FMN2: variants seen among roughly 807,000 people sequenced by gnomAD.
FMN2 encodes formin 2.
Under a neutral mutation model 142.3 loss-of-function variants are expected in FMN2, and 51 were observed. The observed-to-expected ratio is 0.36, with a 90% CI of 0.29 to 0.45. FMN2 has a LOEUF of 0.45. FMN2 is among the 20% of genes least tolerant of loss of function. The probability of loss-of-function intolerance (pLI) is 1.00; values close to 1 mark genes in which losing one functional copy is unlikely to be tolerated. For missense variants in FMN2, 1,936 were observed against 2,122.8 expected (o/e 0.91, Z 1.73); for synonymous variants, 882 against 869.8 (o/e 1.01, Z -0.25).
chr1:240,187,102 CAAAA>C (rs35262264), intron 3 of FMN2, among the ~76,000 whole-genome samples: 3 of 117,362 alleles, frequency 2.6e-5, no homozygotes, highest in Non-Finnish European at 5.4e-5. Flanking sequence ...CCGTCTGTAC[CAAAA>C]AAAAAAAAAA....
rs769037620 is a variant in FMN2 at position 240,257,931 on chromosome 1, T to C, written c.4066-14T>C. 8.1e-6 allele frequency: 13 copies of C among 1,609,954 alleles called. No homozygotes were observed. In the South Asian group the frequency reaches 1.2e-4, roughly 15 times the overall value. ...AAATTAACATTTTCCCCTTTTACTT[T>C]CTTTCTCGAGCAGGTTGTCAAGTTA... On this transcript the variant is annotated splice_polypyrimidine_tract_variant and intron_variant, in intron 6 of 17. Transcript: ENST00000319653.
chr1:240,330,491 G>A, intron 10 of FMN2, 112 bp from the exon 11 acceptor site: 21 of 1,091,862 alleles, frequency 1.9e-5, no homozygotes, highest in Non-Finnish European at 2.7e-5. Flanking sequence ...GATAAAGTTC[G>A]GTTGTGACCC....
At chr1:240,380,652 A>G (rs1673192555) in intron 14 of FMN2, among the ~76,000 whole-genome samples, 1 of 152,034 alleles carries the variant, frequency 6.6e-6, no homozygotes, top group Non-Finnish European at 1.5e-5. Flanking sequence ...ATCTCAAATT[A>G]ACAATGTAAC....
At chr1:240,451,045 T>C (rs1484942095) in intron 16 of FMN2, among the ~76,000 whole-genome samples, 2 of 152,166 alleles carry the variant, frequency 1.3e-5, no homozygotes, top group Non-Finnish European at 2.9e-5. Flanking sequence ...AGTTGTCTGG[T>C]TTTTTGTAAG....
At chr1:240,170,486 C>A in intron 2 of FMN2, 2 of 1,471,934 alleles carry the variant, frequency 1.4e-6, no homozygotes, top group East Asian at 2.3e-5. Context: ...TTGTCTAAAT[C>A]CTAAAACTAA....
Position 240,186,559 on chromosome 1 carries a change from G to A in FMN2, c.1931-1648G>A, listed in dbSNP as rs146090499. On this transcript the variant is annotated intron_variant, in intron 3 of 17. Transcript: ENST00000319653. ...TGAGTGCCAAGGAGTGGGTGGGGTC[G>A]CTGCTTGAGCAAAGCCCCGAAGGAA... is the stretch of plus-strand genomic sequence containing the variant. 8.8e-3 allele frequency among the ~76,000 whole-genome samples: 1,343 copies of A among 152,322 alleles called. 9 individuals carry two copies. Among genetic ancestry groups the A allele is most frequent in the Non-Finnish European group, 0.013 (885 of 68,024 alleles).
intron 1 of FMN2, among the ~76,000 whole-genome samples, chr1:240,113,286 G>A (rs770721663): frequency 1.5e-4 from 23 of 152,116 alleles, no homozygotes; most frequent in Non-Finnish European, 2.9e-4. Context: ...GATTGTGGCC[G>A]GGCACGGTGG....
intron 2 of FMN2, among the ~76,000 whole-genome samples, chr1:240,136,177 G>A (rs1011179298): frequency 2.0e-5 from 3 of 152,016 alleles, no homozygotes; most frequent in Non-Finnish European, 2.9e-5. Flanking sequence ...GATCCGGTAC[G>A]TGATTTAATA....
At chr1:240,420,753 C>T (rs1674734151) in intron 15 of FMN2, among the ~76,000 whole-genome samples, 1 of 152,168 alleles carries the variant, frequency 6.6e-6, no homozygotes, top group South Asian at 2.1e-4. Context: ...CCAGAGACTG[C>T]CCATGCCCCA....
chr1:240,472,682 C>T lies in FMN2; in HGVS notation c.5142+229C>T, dbSNP rs542685519. The stretch of plus-strand genomic sequence containing the variant: ...AAGAATTGGGCTGGGGGTGGTGGCT[C>T]ATGCCTGTAATTCCAGCACTTTGGG... On this transcript the variant is annotated intron_variant, in intron 17 of 17. Transcript: ENST00000319653. Among the ~76,000 whole-genome samples, 6 of 152,054 alleles carry T rather than the reference C, an allele frequency of 3.9e-5. No individual in the cohort carries two copies. In the South Asian group the frequency reaches 1.0e-3, roughly 26 times the overall value.
chr1:240,154,298 C>T (rs555712753), intron 2 of FMN2, among the ~76,000 whole-genome samples: 12 of 152,096 alleles, frequency 7.9e-5, no homozygotes, highest in South Asian at 2.1e-4. Flanking sequence ...GCTCTGGGAA[C>T]ACAGATGAAG....
chr1:240,375,148 T>C (rs2103074112), intron 14 of FMN2, among the ~76,000 whole-genome samples: 1 of 152,296 alleles, frequency 6.6e-6, no homozygotes, highest in East Asian at 1.9e-4. Context: ...TGCCATCTTA[T>C]GTGGGCATAG....
At chr1:240,456,566 C>G (rs191786907) in intron 16 of FMN2, among the ~76,000 whole-genome samples, 34 of 152,330 alleles carry the variant, frequency 2.2e-4, no homozygotes, top group Non-Finnish European at 3.5e-4. Context: ...AAGTGATTCT[C>G]CTGCCTCAGC....
intron 16 of FMN2, chr1:240,458,509 C>A (rs1179508352): frequency 6.6e-6 from 1 of 152,202 alleles, no homozygotes; most frequent in Admixed American, 6.5e-5. Flanking sequence ...GATCCATACA[C>A]ATCATCCTGG....
intron 14 of FMN2, among the ~76,000 whole-genome samples, chr1:240,381,613 A>G (rs904359857): frequency 6.6e-6 from 1 of 152,140 alleles, no homozygotes; most frequent in Non-Finnish European, 1.5e-5. Flanking sequence ...TATTTTTAGT[A>G]GATACGGGAC....
intron 2 of FMN2, chr1:240,144,578 C>T: frequency 1.5e-6 from 2 of 1,379,158 alleles, no homozygotes; most frequent in Non-Finnish European, 2.1e-6. Flanking sequence ...CAGTGCCAAT[C>T]TCAGAGCTTT....
chr1:240,473,528 A>C lies in FMN2; in HGVS notation c.5143-600A>C, dbSNP rs1274139733. On this transcript the variant is annotated intron_variant, in intron 17 of 17. Transcript: ENST00000319653. This position sits in a 1 kb window ranked among gnomAD's most constrained non-coding sequence, Gnocchi z 4.3. ...GTCTAAAGGGAAAAGACATTAAAATAACCCAAATTGGGATATGATTAAATA... is the reference window on the plus strand; with the variant it reads ...GTCTAAAGGGAAAAGACATTAAAATCACCCAAATTGGGATATGATTAAATA... 6.6e-6 allele frequency among the ~76,000 whole-genome samples: 1 copy of C among 152,236 alleles called. No homozygotes were observed. The highest frequency in any genetic ancestry group is 2.4e-5 in the African/African-American group (1 of 41,464).
At chr1:240,198,273 C>T (rs75605514) in intron 4 of FMN2, among the ~76,000 whole-genome samples, 1,905 of 152,242 alleles carry the variant, frequency 0.013, 14 homozygotes, top group Non-Finnish European at 0.02. Context: ...TGCTGTTTAT[C>T]TCCCTTTTTT....
intron 7 of FMN2, chr1:240,285,205 G>T (rs1399530748): frequency 5.1e-5 from 23 of 455,342 alleles, no homozygotes; most frequent in Non-Finnish European, 1.0e-4. Flanking sequence ...GTGGTGAGGT[G>T]AAGTCATATT....
Sources: gnomAD v4.1 joint callset for allele counts (sites outside exome capture counted in the v4.1 genomes callset) on GRCh38, gnomAD v4.1.1 for gene constraint, Gnocchi (gnomAD v3.1) non-coding constraint, MANE v1.5 for transcripts, NCBI Gene and HGNC (gene_info 2026-07-23, HGNC 2026-07-21) for gene names.